ADAMTS12: variants seen among roughly 807,000 people sequenced by gnomAD.
The protein encoded by ADAMTS12 is A disintegrin and metalloproteinase with thrombospondin motifs 12.
ADAMTS12 carries 118 observed loss-of-function variants against 167.8 expected under a neutral mutation model. The ratio of observed to expected loss-of-function variants is 0.70; its 90% CI spans 0.61 to 0.82. The LOEUF (loss-of-function observed/expected upper bound fraction) is 0.82. ADAMTS12 is among the 40% of genes least tolerant of loss of function. ADAMTS12 has a pLI of 0.00. For synonymous variants in ADAMTS12, 704 were observed against 716.9 expected (o/e 0.98, Z 0.29); for missense variants, 1,916 against 1,998.8 (o/e 0.96, Z 0.79).
rs536271072 is a variant in ADAMTS12, at chr5:33,648,091, C to G, written c.1479+731G>C. On this transcript the variant is annotated intron_variant, in intron 9 of 23. Coordinates refer to ENST00000504830, the MANE Select transcript of ADAMTS12 (RefSeq NM_030955.4). ...CAATATGTGTGTGTTAACACAGATA[C>G]TTTTGCATTATAAGGGATGAGTTCA... Among the ~76,000 whole-genome samples, 4 of 152,340 alleles carry G rather than the reference C, an allele frequency of 2.6e-5. No homozygotes were observed. The East Asian group carries it at 5.8e-4, about 22-fold the overall frequency.
chr5:33,599,064 A>T (rs891422283), intron 16 of ADAMTS12, among the ~76,000 whole-genome samples: 1 of 152,224 alleles, frequency 6.6e-6, no homozygotes, highest in Non-Finnish European at 1.5e-5. Context: ...GGTGCCACTC[A>T]CATGAATAAA....
chr5:33,872,943 T>C lies in ADAMTS12; in HGVS notation c.489+8176A>G, dbSNP rs895525299. Among the ~76,000 whole-genome samples, 3 of 152,170 alleles carry C rather than the reference T, an allele frequency of 2.0e-5. No homozygotes were observed. The South Asian group carries it at 6.2e-4, about 32-fold the overall frequency. ...AGTAAAATAGGAATAGAGATAAAAC[T>C]CTTCAATTTAATACAGAATATCTCT... On this transcript the variant is annotated intron_variant, in intron 2 of 23. Transcript: ENST00000504830.
intron 13 of ADAMTS12, among the ~76,000 whole-genome samples, chr5:33,625,527 G>C (rs750368216): frequency 7.2e-5 from 11 of 152,116 alleles, no homozygotes; most frequent in African/African-American, 2.7e-4. Flanking sequence ...TGACTCTGAG[G>C]CATATTAATT....
chr5:33,687,101 A>T (rs76362900), intron 3 of ADAMTS12, among the ~76,000 whole-genome samples: 13 of 130,198 alleles, frequency 1.0e-4, no homozygotes, highest in Middle Eastern at 3.9e-3. Context: ...TTTTTTTTTT[A>T]AAGACATCTT....
intron 3 of ADAMTS12, among the ~76,000 whole-genome samples, chr5:33,688,978 T>G (rs956705582): frequency 9.2e-5 from 14 of 152,126 alleles, no homozygotes; most frequent in African/African-American, 3.4e-4. Context: ...GTTGATCTTC[T>G]CCAGCCTACA....
At chr5:33,566,928 C>A (rs914153569) in intron 19 of ADAMTS12, among the ~76,000 whole-genome samples, 22 of 152,140 alleles carry the variant, frequency 1.4e-4, no homozygotes, top group African/African-American at 4.1e-4. Context: ...GACCCCAGGG[C>A]AAATTTGATG....
chr5:33,617,177 T>C (rs1739065823), intron 14 of ADAMTS12, among the ~76,000 whole-genome samples: 1 of 152,174 alleles, frequency 6.6e-6, no homozygotes, highest in South Asian at 2.1e-4. Context: ...AGTGAGTGAT[T>C]TTTCTCTTTT....
intron 5 of ADAMTS12, among the ~76,000 whole-genome samples, chr5:33,671,998 T>C (rs1445859200): frequency 1.6e-5 from 2 of 121,414 alleles, no homozygotes; most frequent in Admixed American, 8.5e-5. Context: ...CACACACCCA[T>C]ATACTCACAT....
At chr5:33,764,329 T>C (rs1219660864) in intron 2 of ADAMTS12, among the ~76,000 whole-genome samples, 1 of 152,264 alleles carries the variant, frequency 6.6e-6, no homozygotes, top group Non-Finnish European at 1.5e-5. Context: ...ATATGTCTAA[T>C]ATCTTTTATA....
chr5:33,811,620 G>T, intron 2 of ADAMTS12, among the ~76,000 whole-genome samples: 1 of 152,154 alleles, frequency 6.6e-6, no homozygotes, highest in Non-Finnish European at 1.5e-5. Flanking sequence ...AGAGAAAATG[G>T]GGCCATATCC....
rs560826027 is a variant in ADAMTS12 at position 33,647,763 on chromosome 5, G to A, written c.1479+1059C>T. 3.2e-3 allele frequency among the ~76,000 whole-genome samples: 486 copies of A among 152,232 alleles called. 2 individuals are homozygous for A. Among genetic ancestry groups the A allele is most frequent in the African/African-American group, 0.011 (474 of 41,536 alleles). On this transcript the variant is annotated intron_variant, in intron 9 of 23. Transcript: ENST00000504830. ...CAAACAAAAACAAACAAAAATTTAGGAGGCAGAATTGGCATAACTTGGTAG... is the reference window on the plus strand; with the variant it reads ...CAAACAAAAACAAACAAAAATTTAGAAGGCAGAATTGGCATAACTTGGTAG...
At chr5:33,764,874 T>C (rs1745477020) in intron 2 of ADAMTS12, among the ~76,000 whole-genome samples, 2 of 151,934 alleles carry the variant, frequency 1.3e-5, no homozygotes, top group African/African-American at 4.8e-5. Flanking sequence ...CCCACCCCCA[T>C]TTGCACCCCC....
At chr5:33,655,112 A>G (rs953633858) in intron 7 of ADAMTS12, among the ~76,000 whole-genome samples, 5 of 152,106 alleles carry the variant, frequency 3.3e-5, no homozygotes, top group African/African-American at 1.2e-4. Context: ...GGCATATGGA[A>G]AAGTATGTAT....
At chr5:33,595,076 C>G (rs1429209418) in intron 17 of ADAMTS12, among the ~76,000 whole-genome samples, 2 of 152,080 alleles carry the variant, frequency 1.3e-5, no homozygotes, top group African/African-American at 4.8e-5. Flanking sequence ...ACCAATATTC[C>G]TTCCTTTCTT....
At chr5:33,685,959 G>T (rs1441393246) in intron 3 of ADAMTS12, among the ~76,000 whole-genome samples, 1 of 152,136 alleles carries the variant, frequency 6.6e-6, no homozygotes, top group Non-Finnish European at 1.5e-5. Flanking sequence ...CAAGCAGCCA[G>T]CCCACTTTAA....
At chr5:33,777,176 G>A (rs1579926622) in intron 2 of ADAMTS12, among the ~76,000 whole-genome samples, 1 of 152,102 alleles carries the variant, frequency 6.6e-6, no homozygotes, top group African/African-American at 2.4e-5. Context: ...CTCATCGTAT[G>A]TGGCTACTAT....
At position 33,524,930 on chromosome 5, in the gene ADAMTS12, CG is replaced by C; in HGVS notation, c.*2257del. On this transcript the variant is annotated 3_prime_UTR_variant, in exon 24 of 24. Coordinates refer to ENST00000504830, the MANE Select transcript of ADAMTS12 (RefSeq NM_030955.4). ...TCTCCACCACGTGGATTGTAAATAA[CG>C]TGGTCCATTTTGTACACGGAGAAAT... 1 of 152,332 alleles carries C rather than the reference CG, an allele frequency of 6.6e-6. No homozygotes were observed. The highest frequency in any genetic ancestry group is 2.1e-4 in the South Asian group (1 of 4,822). The allele number at this position is 152,332 out of a possible 1,614,324, so 9.4% of individuals were successfully genotyped here. A position where few individuals can be genotyped will look rare whatever the true frequency, so the allele number is the denominator to read the frequency against.
rs139716069 is a variant in ADAMTS12, at chr5:33,709,809, A to G, written c.635-25754T>C. 1.3e-3 allele frequency among the ~76,000 whole-genome samples: 205 copies of G among 152,318 alleles called. 2 individuals carry two copies. In the East Asian group the frequency reaches 0.019, roughly 14 times the overall value. ...AAGCTGCAGCAAACCACCATGGCACACTTTTACCTATGTAATAAACCTGCA... is the reference window on the plus strand; with the variant it reads ...AAGCTGCAGCAAACCACCATGGCACGCTTTTACCTATGTAATAAACCTGCA... On this transcript the variant is annotated intron_variant, in intron 3 of 23. Coordinates refer to ENST00000504830, the MANE Select transcript of ADAMTS12 (RefSeq NM_030955.4).
intron 17 of ADAMTS12, 30 bp downstream of exon 17, chr5:33,595,904 C>T: frequency 1.2e-6 from 2 of 1,613,108 alleles, no homozygotes; most frequent in South Asian, 2.2e-5. Flanking sequence ...TAGGCAGACA[C>T]ACAGAGCTCC....
Sources: gnomAD v4.1 joint callset for allele counts (sites outside exome capture counted in the v4.1 genomes callset) on GRCh38, gnomAD v4.1.1 for gene constraint, MANE v1.5 for transcripts, NCBI Gene and HGNC (gene_info 2026-07-23, HGNC 2026-07-21) for gene names.